Variants in BRWD1 observed in about 807,000 individuals in gnomAD.
BRWD1 encodes bromodomain and WD repeat domain containing 1.
A neutral mutation model predicts 251.2 loss-of-function variants in BRWD1; 82 were observed. The ratio of observed to expected loss-of-function variants is 0.33; its 90% CI spans 0.27 to 0.39. The LOEUF (loss-of-function observed/expected upper bound fraction) is 0.39, where lower values mean the gene tolerates loss of function less well. BRWD1 is among the 10% of genes least tolerant of loss of function. BRWD1 has a pLI of 1.00. For synonymous variants in BRWD1, 918 were observed against 902.8 expected, an observed-to-expected ratio of 1.02 and a Z score of -0.30; for missense variants, 2,233 against 2,711.6, an observed-to-expected ratio of 0.82 and a Z score of 3.92.
chr21:39,215,043 T>G (rs190838866), intron 32 of BRWD1, among the ~76,000 whole-genome samples, 194 bp downstream of exon 32: 55 of 110,924 alleles, frequency 5.0e-4, no homozygotes, highest in Admixed American at 1.1e-3. Context: ...AATTTTTGTA[T>G]TTTTTTTAGT....
At chr21:39,307,833 C>T (rs1027329839) in intron 4 of BRWD1, among the ~76,000 whole-genome samples, 2 of 152,184 alleles carry the variant, frequency 1.3e-5, no homozygotes, top group African/African-American at 4.8e-5. Flanking sequence ...ACCCTTCCAT[C>T]CTGAGGGTAG....
At chr21:39,202,228 G>A (rs2032144726) in intron 38 of BRWD1, 97 bp downstream of exon 38, 2 of 825,980 alleles carry the variant, frequency 2.4e-6, no homozygotes, top group East Asian at 2.6e-5. Context: ...TCAGTGTCAA[G>A]GCCACATCTT....
Position 39,236,595 on chromosome 21 carries a change from C to T in BRWD1, c.2766G>A (p.Glu922=). The change falls in exon 23 of 41, where the codon GAG becomes GAA. Residue 922 remains glutamate (E), a splice_region_variant and synonymous_variant. Coordinates refer to ENST00000342449, the MANE Select transcript of BRWD1 (RefSeq NM_033656.4). ...ATTTTTAAAGATACGTTTTTCTTAC[C>T]TCCTTCTTAGGCTTATTTTCTTTCT... The part of the protein sequence containing the change: ...KRKKENKPKK[E]NLRRMTPAEL... 1 of 1,587,668 alleles carries T rather than the reference C, an allele frequency of 6.3e-7. No individual in the cohort carries two copies. Among genetic ancestry groups the T allele is most frequent in the Non-Finnish European group, 8.6e-7 (1 of 1,166,104 alleles).
chr21:39,242,045 C>G (rs2034022315), intron 21 of BRWD1, among the ~76,000 whole-genome samples: 1 of 152,148 alleles, frequency 6.6e-6, no homozygotes. Flanking sequence ...ACAATAGCTT[C>G]TAAGTATTCA....
At position 39,188,917 on chromosome 21, in the gene BRWD1, C is replaced by T. The variant is rs1601213316; in HGVS notation, c.*7342G>A. The T allele has an allele frequency of 1.0e-6, 1 of 985,378 alleles. No individual in the cohort carries two copies. Among genetic ancestry groups the T allele is most frequent in the Non-Finnish European group, 1.2e-6 (1 of 829,906 alleles). 61.0% of individuals were successfully genotyped at this position (985,378 alleles called of 1,614,324 possible). Reference sequence around the variant, plus strand: ...AATGGCATTTTACCAGAGTAAGACACTCATCACGGCATTACTCTCATGCAG... The same window carrying T: ...AATGGCATTTTACCAGAGTAAGACATTCATCACGGCATTACTCTCATGCAG... On this transcript the variant is annotated 3_prime_UTR_variant, in exon 41 of 41. Transcript: ENST00000342449.
rs1226199313 is a variant in BRWD1 at position 39,258,567 on chromosome 21, T to C, written c.1991A>G (p.Gln664Arg). ...ILDGMIRQLQQQQDQRMGADQ... is the reference protein window; with the variant it reads ...ILDGMIRQLQRQQDQRMGADQ... The stretch of plus-strand genomic sequence containing the variant: ...TGCTCCCATTCTCTGATCTTGCTGC[T>C]GCTGCAACTGTCTTATCATTCCATC... Residue 664 changes from glutamine (Q) to arginine (R), a missense_variant, in exon 18 of 41, where the codon CAG (glutamine) becomes CGG (arginine). Around this residue, in one of 12 missense-constraint regions of BRWD1, gnomAD observed 73 missense variants for 68.1 expected, o/e 1.07. Coordinates refer to ENST00000342449, the MANE Select transcript of BRWD1 (RefSeq NM_033656.4). 6.2e-7 allele frequency: 1 copy of C among 1,613,762 alleles called. No homozygotes were observed. Among genetic ancestry groups the C allele is most frequent in the Admixed American group, 1.7e-5 (1 of 59,986 alleles).
rs777542412 is a variant in BRWD1, at chr21:39,229,318, G to A, written c.3119C>T (p.Ser1040Phe). 8 of 1,597,680 alleles carry A rather than the reference G, an allele frequency of 5.0e-6. No individual in the cohort carries two copies. Among genetic ancestry groups the A allele is most frequent in the Non-Finnish European group, 6.9e-6 (8 of 1,166,536 alleles). Reference protein sequence around the residue: ...ATGKLMDKSFSIRYHDMPDVI... With the variant: ...ATGKLMDKSFFIRYHDMPDVI... The stretch of plus-strand genomic sequence containing the variant: ...TTTAAAAAATAATACATACCTAATA[G>A]AGAAAGATTTGTCCATAAGTTTTCC... The change falls in exon 26 of 41, where the codon TCT becomes TTT. Residue 1040 changes from serine (S) to phenylalanine (F), a missense_variant. By Grantham distance (155) the Ser-to-Phe change is radical (BLOSUM62 -2). Around this residue, in one of 12 missense-constraint regions of BRWD1, gnomAD observed 139 missense variants for 272.8 expected, o/e 0.51. Coordinates refer to ENST00000342449, the MANE Select transcript of BRWD1 (RefSeq NM_033656.4).
At chr21:39,290,490 C>CA (rs1002425792) in intron 8 of BRWD1, among the ~76,000 whole-genome samples, 1,042 of 92,232 alleles carry the variant, frequency 0.011, 6 homozygotes, top group African/African-American at 0.023. Context: ...GACTCCGTCT[C>CA]AAAAAAAAAA....
rs2031792492 is a variant in BRWD1, at chr21:39,196,010, T to C, written c.*249A>G. ...ACATATTTCAAACTCTTGCTATATG[T>C]AGTCAAATACTGTCAAAATAGATCT... is the stretch of plus-strand genomic sequence containing the variant. On this transcript the variant is annotated 3_prime_UTR_variant, in exon 41 of 41. Coordinates refer to ENST00000342449, the MANE Select transcript of BRWD1 (RefSeq NM_033656.4). The C allele has an allele frequency of 5.0e-6, 6 of 1,189,658 alleles. No homozygotes were observed. The highest frequency in any genetic ancestry group is 6.2e-6 in the Non-Finnish European group (6 of 960,552). The allele number at this position is 1,189,658 out of a possible 1,614,324, so 73.7% of individuals were successfully genotyped here. A position where few individuals can be genotyped will look rare whatever the true frequency, so the allele number is the denominator to read the frequency against.
intron 15 of BRWD1, among the ~76,000 whole-genome samples, chr21:39,267,905 CAAA>C (rs916721991): frequency 2.7e-5 from 4 of 149,578 alleles, no homozygotes; most frequent in Non-Finnish European, 5.9e-5. Flanking sequence ...ATAAAAATTT[CAAA>C]AAAAAAGGTT....
At chr21:39,228,649 T>C (rs1259513665) in intron 26 of BRWD1, 67 bp from the exon 27 acceptor site, 6 of 833,280 alleles carry the variant, frequency 7.2e-6, no homozygotes, top group Admixed American at 6.5e-5. Flanking sequence ...AAAGCAGCAC[T>C]GTCCAAAAGA....
At chr21:39,256,108 T>C (rs1243167393) in intron 18 of BRWD1, among the ~76,000 whole-genome samples, 2 of 152,218 alleles carry the variant, frequency 1.3e-5, no homozygotes, top group South Asian at 2.1e-4. Context: ...CATGAGCCAC[T>C]GCACCCAGCC....
At position 39,312,968 on chromosome 21, in the gene BRWD1, C is replaced by G. The variant is rs995887644; in HGVS notation, c.139-68G>C. On this transcript the variant is annotated intron_variant, in intron 3 of 40. Coordinates refer to ENST00000342449, the MANE Select transcript of BRWD1 (RefSeq NM_033656.4). ...GCGGGGGGGGCGGGGGGCGGGGGGC[C>G]GGGGGCGGGCGGCGGGCGGCGGGCG... 664 of 531,582 alleles carry G rather than the reference C, an allele frequency of 1.2e-3. 2 individuals are homozygous for G. In the African/African-American group the frequency reaches 0.033, roughly 26 times the overall value. 32.9% of individuals were successfully genotyped at this position (531,582 alleles called of 1,614,324 possible).
At chr21:39,262,641 G>T (rs560166663) in intron 17 of BRWD1, among the ~76,000 whole-genome samples, 1 of 151,724 alleles carries the variant, frequency 6.6e-6, no homozygotes, top group Non-Finnish European at 1.5e-5. Flanking sequence ...CTTGAACCCG[G>T]GTGGCGGAGG....
At chr21:39,249,305 C>T (rs1233921170) in intron 20 of BRWD1, among the ~76,000 whole-genome samples, 1 of 152,146 alleles carries the variant, frequency 6.6e-6, no homozygotes, top group Non-Finnish European at 1.5e-5. Flanking sequence ...CCCTATGACT[C>T]GCAATTTACC....
In BRWD1 at chr21:39,194,933, C is replaced by T; in HGVS notation, c.*1326G>A. ...TGGGGTACTGTAACATATCCCTTAC[C>T]CACTAAATATGTAAACCATTTGAAT... On this transcript the variant is annotated 3_prime_UTR_variant, in exon 41 of 41. Coordinates refer to ENST00000342449, the MANE Select transcript of BRWD1 (RefSeq NM_033656.4). 3 of 1,482,168 alleles carry T rather than the reference C, an allele frequency of 2.0e-6. No individual in the cohort carries two copies. The highest frequency in any genetic ancestry group is 1.8e-6 in the Non-Finnish European group (2 of 1,122,460). The allele number at this position is 1,482,168 out of a possible 1,614,324, so 91.8% of individuals were successfully genotyped here.
chr21:39,288,378 A>G (rs978032192), intron 8 of BRWD1, among the ~76,000 whole-genome samples: 2 of 152,266 alleles, frequency 1.3e-5, no homozygotes, highest in Non-Finnish European at 2.9e-5. Context: ...GCCAGAAGGC[A>G]AGAATCACTG....
chr21:39,200,623 G>C (rs896418748), intron 38 of BRWD1: 11 of 296,848 alleles, frequency 3.7e-5, no homozygotes, highest in African/African-American at 2.2e-4. Flanking sequence ...AAAAATAACA[G>C]ATTAATCCTA....
intron 31 of BRWD1, 31 bp from the exon 32 acceptor site, chr21:39,215,393 A>T (rs1002790674): frequency 6.3e-7 from 1 of 1,587,328 alleles, no homozygotes; most frequent in African/African-American, 1.4e-5. Context: ...TTTAGGGCTT[A>T]GAAAATGAGA....
Sources: gnomAD v4.1 joint callset for allele counts (sites outside exome capture counted in the v4.1 genomes callset) on GRCh38, gnomAD v4.1.1 for gene constraint, gnomAD v4.1.1 regional missense constraint, MANE v1.5 for transcripts, NCBI Gene and HGNC (gene_info 2026-07-23, HGNC 2026-07-21) for gene names.